Variants in IL17RB observed in about 807,000 individuals in gnomAD.
IL17RB encodes the protein interleukin 17 receptor B.
Under a neutral mutation model 43.9 loss-of-function variants are expected in IL17RB, and 36 were observed. The observed-to-expected ratio is 0.82, with a 90% confidence interval of 0.63 to 1.08. The LOEUF is 1.08. IL17RB is among the 50% of genes least tolerant of loss of function. The probability of loss-of-function intolerance (pLI) is 0.00; values close to 1 mark genes in which losing one functional copy is unlikely to be tolerated. For synonymous variants in IL17RB, 225 were observed against 225.4 expected, an observed-to-expected ratio of 1.00 and a Z score of 0.02; for missense variants, 613 against 613.6, an observed-to-expected ratio of 1.00 and a Z score of 0.01.
At chr3:53,849,632 A>G in intron 2 of IL17RB, 23 bp from the exon 3 acceptor site, 2 of 1,583,246 alleles carry the variant, frequency 1.3e-6, no homozygotes, top group Non-Finnish European at 1.7e-6. Context: ...AGACAGTGTC[A>G]TGGAAGTCTT....
At chr3:53,859,313 T>C (rs2107022461) in intron 9 of IL17RB, 1 of 152,836 alleles carries the variant, frequency 6.5e-6, no homozygotes, top group Admixed American at 6.5e-5. Flanking sequence ...TCTCTGGAGT[T>C]AGAGATGTGT....
rs201038965 is a variant in IL17RB, at chr3:53,849,635, G to A, written c.86-20G>A. The A allele has an allele frequency of 3.2e-6, 5 of 1,586,398 alleles. No homozygotes were observed. The East Asian group carries it at 9.1e-5, about 29-fold the overall frequency. On this transcript the variant is annotated intron_variant, in intron 2 of 10. Coordinates refer to ENST00000288167, the MANE Select transcript of IL17RB (RefSeq NM_018725.4). ...CTGGGCTGGGAAAGACAGTGTCATG[G>A]AAGTCTTGCTTTTTCCCAGGGCCAT...
At chr3:53,863,152 AAT>A (rs1699628041) in intron 10 of IL17RB, among the ~76,000 whole-genome samples, 1 of 152,182 alleles carries the variant, frequency 6.6e-6, no homozygotes, top group African/African-American at 2.4e-5. Flanking sequence ...TAACATGCAA[AAT>A]ATGTGTTAAT....
intron 1 of IL17RB, among the ~76,000 whole-genome samples, chr3:53,847,725 C>T (rs183992230): frequency 1.7e-3 from 264 of 151,450 alleles, no homozygotes; most frequent in African/African-American, 6.0e-3. Flanking sequence ...ACCCGGGAGC[C>T]AGAGGTTGCA....
rs1699359402 is a variant in IL17RB at position 53,856,985 on chromosome 3, A to G, written c.671A>G (p.Glu224Gly). 2 of 1,613,840 alleles carry G rather than the reference A, an allele frequency of 1.2e-6. No individual in the cohort carries two copies. The highest frequency in any genetic ancestry group is 3.3e-5 in the Admixed American group (2 of 60,014). Residue 224 changes from glutamate (E) to glycine (G), a missense_variant and splice_region_variant, in exon 7 of 11, where the codon GAG (glutamate) becomes GGG (glycine). Coordinates refer to ENST00000288167, the MANE Select transcript of IL17RB (RefSeq NM_018725.4). ...ATCATCGGGTTTTCTCAGGTGTTTG[A>G]GGTACTTTTTCTCTTCGTCCCCTTC... ...STIIGFSQVF[E>G]PHQKKQTRAS...
chr3:53,847,473 T>C (rs1219551322), intron 1 of IL17RB, among the ~76,000 whole-genome samples: 1 of 136,514 alleles, frequency 7.3e-6, no homozygotes, highest in Non-Finnish European at 1.6e-5. Flanking sequence ...CCTGGTATGA[T>C]GGCTCATTTG....
intron 9 of IL17RB, chr3:53,859,180 A>G (rs1471674639): frequency 6.0e-6 from 1 of 166,754 alleles, no homozygotes; most frequent in Non-Finnish European, 1.3e-5. Flanking sequence ...TTCTGATTCA[A>G]TTACCAGTCT....
intron 1 of IL17RB, among the ~76,000 whole-genome samples, chr3:53,846,853 G>A (rs778487400): frequency 6.6e-6 from 1 of 152,238 alleles, no homozygotes; most frequent in Non-Finnish European, 1.5e-5. Flanking sequence ...CCCGGTCTCA[G>A]ATGCCACCCT....
intron 10 of IL17RB, among the ~76,000 whole-genome samples, chr3:53,863,020 A>G (rs1699622635): frequency 6.6e-6 from 1 of 151,810 alleles, no homozygotes; most frequent in Admixed American, 6.5e-5. Context: ...AGATGATGAC[A>G]AGAATAAAGA....
intron 10 of IL17RB, among the ~76,000 whole-genome samples, chr3:53,863,714 A>C (rs1699657854): frequency 6.6e-6 from 1 of 152,324 alleles, no homozygotes; most frequent in South Asian, 2.1e-4. Flanking sequence ...AGACAGTACA[A>C]GCAACTACCT....
Position 53,848,591 on chromosome 3 carries a change from C to A in IL17RB, c.61-73C>A. ...ATGCATTTAAGGGGAAAATGGTGTT[C>A]TGCCTAATTTGGCAAAGGAAAGCTT... On this transcript the variant is annotated intron_variant, in intron 1 of 10. Coordinates refer to ENST00000288167, the MANE Select transcript of IL17RB (RefSeq NM_018725.4). 3 of 1,431,160 alleles carry A rather than the reference C, an allele frequency of 2.1e-6. No individual in the cohort carries two copies. In the South Asian group the frequency reaches 3.4e-5, roughly 16 times the overall value. The allele number at this position is 1,431,160 out of a possible 1,614,324, so 88.7% of individuals were successfully genotyped here. A position where few individuals can be genotyped will look rare whatever the true frequency, so the allele number is the denominator to read the frequency against.
At chr3:53,849,181 A>G (rs7650883) in intron 2 of IL17RB, among the ~76,000 whole-genome samples, 146,477 of 152,310 alleles carry the variant, frequency 0.96, 70,530 homozygotes, top group Non-Finnish European at 0.98. Context: ...ATCCAGGGCC[A>G]AAGCCTGAGG....
At chr3:53,864,345 G>C (rs1699693793) in intron 10 of IL17RB, among the ~76,000 whole-genome samples, 2 of 152,128 alleles carry the variant, frequency 1.3e-5, no homozygotes, top group African/African-American at 2.4e-5. Context: ...GACCATCCTG[G>C]CTAACAGGGT....
At chr3:53,858,887 A>G in intron 9 of IL17RB, 69 bp downstream of exon 9, 2 of 1,247,960 alleles carry the variant, frequency 1.6e-6, no homozygotes, top group Non-Finnish European at 2.3e-6. Context: ...CCCACTCAGT[A>G]TGTGGAAGGG....
intron 6 of IL17RB, 141 bp from the exon 7 acceptor site, chr3:53,856,703 A>G (rs758287471): frequency 4.5e-4 from 335 of 751,932 alleles, no homozygotes; most frequent in Non-Finnish European, 6.3e-4. Flanking sequence ...AACAATGATA[A>G]AAAGTTCACT....
At chr3:53,853,128 C>A (rs1699216375) in intron 5 of IL17RB, 131 bp downstream of exon 5, 1 of 1,010,360 alleles carries the variant, frequency 9.9e-7, no homozygotes, top group Non-Finnish European at 1.5e-6. Context: ...TTATCTAAAG[C>A]ATGGACACAG....
intron 9 of IL17RB, chr3:53,859,158 T>G: frequency 2.0e-4 from 35 of 173,730 alleles, no homozygotes; most frequent in East Asian, 4.7e-4. Context: ...TGAGAATGAA[T>G]ATTTCACTAT....
chr3:53,864,107 G>A (rs1487889425), intron 10 of IL17RB, among the ~76,000 whole-genome samples: 1 of 152,072 alleles, frequency 6.6e-6, no homozygotes, highest in Non-Finnish European at 1.5e-5. Context: ...CCTGGTGTAA[G>A]CCACCACACC....
intron 5 of IL17RB, among the ~76,000 whole-genome samples, chr3:53,854,011 C>T (rs1309064471): frequency 6.6e-6 from 1 of 152,118 alleles, no homozygotes; most frequent in South Asian, 2.1e-4. Context: ...ATTCTCCTGC[C>T]TCAGCCTCCC....
Sources: gnomAD v4.1 joint callset for allele counts (sites outside exome capture counted in the v4.1 genomes callset) on GRCh38, gnomAD v4.1.1 for gene constraint, MANE v1.5 for transcripts, NCBI Gene and HGNC (gene_info 2026-07-23, HGNC 2026-07-21) for gene names.